Variants in GNPAT observed in about 807,000 individuals in gnomAD.
The protein encoded by GNPAT is glyceronephosphate O-acyltransferase.
GNPAT carries 30 observed loss-of-function variants against 78.4 expected under a neutral mutation model. That is an observed-to-expected ratio of 0.38 (90% CI 0.29 to 0.52). GNPAT has a LOEUF of 0.52. Among genes scored for constraint, GNPAT ranks in the 20% least tolerant of loss-of-function variants. The pLI is 0.84. For synonymous variants in GNPAT, 271 were observed against 281.1 expected, an observed-to-expected ratio of 0.96 and a Z score of 0.36; for missense variants, 714 against 812.2, an observed-to-expected ratio of 0.88 and a Z score of 1.47.
intron 8 of GNPAT, among the ~76,000 whole-genome samples, chr1:231,267,215 A>G (rs972670540): frequency 6.6e-6 from 1 of 152,162 alleles, no homozygotes; most frequent in Non-Finnish European, 1.5e-5. Flanking sequence ...GCCTTATTGT[A>G]CTATTCAAAG....
At chr1:231,272,252 G>A (rs934169001) in intron 10 of GNPAT, 60 bp from the exon 11 acceptor site, 1 of 844,336 alleles carries the variant, frequency 1.2e-6, no homozygotes, top group Non-Finnish European at 2.1e-6. Context: ...AGGACTTCCT[G>A]GTACTCCCTT....
chr1:231,254,000 A>G (rs1054935832), intron 2 of GNPAT, among the ~76,000 whole-genome samples: 15 of 152,268 alleles, frequency 9.9e-5, no homozygotes, highest in African/African-American at 3.6e-4. Context: ...TTTAGTAGAG[A>G]CAGGGTTTCA....
At chr1:231,256,206 G>T (rs546526786) in intron 2 of GNPAT, among the ~76,000 whole-genome samples, 8 of 152,208 alleles carry the variant, frequency 5.3e-5, no homozygotes, top group Non-Finnish European at 1.0e-4. Flanking sequence ...TGAGTTTCAT[G>T]TATCTGTTTT....
At chr1:231,258,654 CAG>C (rs1263440684) in intron 2 of GNPAT, among the ~76,000 whole-genome samples, 3 of 53,506 alleles carry the variant, frequency 5.6e-5, no homozygotes, top group African/African-American at 8.4e-5. Flanking sequence ...TTTTTTGAGA[CAG>C]AGTCTCGCTC....
chr1:231,251,000 G>C lies in GNPAT; in HGVS notation c.118G>C (p.Glu40Gln), dbSNP rs1418065853. 6.2e-7 allele frequency: 1 copy of C among 1,612,432 alleles called. No homozygotes were observed. Among genetic ancestry groups the C allele is most frequent in the Non-Finnish European group, 8.5e-7 (1 of 1,178,580 alleles). The change falls in exon 2 of 16, where the codon GAA (glutamate) becomes CAA (glutamine). Residue 40 changes from glutamate to glutamine, a missense_variant. Glu to Gln is a conservative substitution (Grantham distance 29). Transcript: ENST00000366647. ...KKWDEFEDIL[E>Q]ERRHVSDLKF... ...GTGGGATGAGTTTGAAGATATTTTA[G>C]AAGAGAGGAGGCATGTCAGTGACTT...
Position 231,245,142 on chromosome 1 carries a change from C to A in GNPAT, c.78+3686C>A, listed in dbSNP as rs896626080. On this transcript the variant is annotated intron_variant, in intron 1 of 15. Coordinates refer to ENST00000366647, the MANE Select transcript of GNPAT (RefSeq NM_014236.4). ...CTCAAATATCACTTCCTCAGAGAGG[C>A]CTTCCACAACCATTGAATCTAAAAC... Among the ~76,000 whole-genome samples, 56 of 152,328 alleles carry A rather than the reference C, an allele frequency of 3.7e-4. 1 individual carries two copies. The highest frequency in any genetic ancestry group is 1.3e-3 in the African/African-American group (53 of 41,580).
chr1:231,259,984 A>G (rs534961710), intron 2 of GNPAT, among the ~76,000 whole-genome samples: 1 of 152,372 alleles, frequency 6.6e-6, no homozygotes, highest in East Asian at 1.9e-4. Context: ...GGCCATGTGA[A>G]TAAAATAAGT....
intron 2 of GNPAT, among the ~76,000 whole-genome samples, chr1:231,253,442 G>A (rs550018165): frequency 6.6e-6 from 1 of 152,374 alleles, no homozygotes; most frequent in Admixed American, 6.5e-5. Flanking sequence ...CGCCTCTAAT[G>A]CTCTAAGGCT....
rs552693336 is a variant in GNPAT at position 231,275,287 on chromosome 1, G to A, written c.1810G>A (p.Val604Ile). ...HFSEEQYLAAVRKFTSQLLDQ... is the reference protein window; with the variant it reads ...HFSEEQYLAAIRKFTSQLLDQ... ...CAGTGAGGAACAGTACTTGGCTGCA[G>A]TCAGAAAATTCACAAGTCAGCTTCT... Residue 604 changes from valine to isoleucine, a missense_variant, in exon 13 of 16, where the codon GTC becomes ATC. Coordinates refer to ENST00000366647, the MANE Select transcript of GNPAT (RefSeq NM_014236.4). 3.2e-5 allele frequency: 52 copies of A among 1,613,198 alleles called. No individual in the cohort carries two copies. The South Asian group carries it at 5.7e-4, about 18-fold the overall frequency.
chr1:231,256,022 G>A (rs1371715275), intron 2 of GNPAT, among the ~76,000 whole-genome samples: 1 of 152,056 alleles, frequency 6.6e-6, no homozygotes, highest in Non-Finnish European at 1.5e-5. Flanking sequence ...TTAAATGATG[G>A]AATGCGTCAG....
At chr1:231,273,313 G>A (rs1419950012) in intron 11 of GNPAT, among the ~76,000 whole-genome samples, 4 of 148,112 alleles carry the variant, frequency 2.7e-5, no homozygotes, top group Admixed American at 6.8e-5. Context: ...GTGCAGTGGC[G>A]CAATCTCAGC....
In GNPAT at chr1:231,275,310, T is replaced by C; in HGVS notation, c.1833T>C (p.Leu611=). The C allele has an allele frequency of 6.2e-7, 1 of 1,610,824 alleles. No individual in the cohort carries two copies. The highest frequency in any genetic ancestry group is 8.5e-7 in the Non-Finnish European group (1 of 1,176,970). ...CAGTCAGAAAATTCACAAGTCAGCT[T>C]CTCGATCAAGGTCAGTCACTGCTCT... ...LAAVRKFTSQ[L]LDQGTSQCYD... The change falls in exon 13 of 16, where the codon CTT becomes CTC. Residue 611 remains leucine, a synonymous_variant. Transcript: ENST00000366647.
At chr1:231,242,812 A>G (rs1489590699) in intron 1 of GNPAT, among the ~76,000 whole-genome samples, 1 of 152,214 alleles carries the variant, frequency 6.6e-6, no homozygotes, top group Non-Finnish European at 1.5e-5. Context: ...ACTTGAGTCC[A>G]CTTTTTCATG....
chr1:231,275,921 G>A (rs2102828812), intron 14 of GNPAT, among the ~76,000 whole-genome samples: 1 of 152,298 alleles, frequency 6.6e-6, no homozygotes, highest in East Asian at 1.9e-4. Flanking sequence ...AAGCTTAATA[G>A]TAAACTCTGG....
At chr1:231,260,078 G>A (rs145734987) in intron 2 of GNPAT, among the ~76,000 whole-genome samples, 1 of 152,310 alleles carries the variant, frequency 6.6e-6, no homozygotes, top group East Asian at 1.9e-4. Flanking sequence ...ATCTGATGTA[G>A]TCTGAGTCGG....
Position 231,266,342 on chromosome 1 carries a change from T to C in GNPAT, c.990T>C (p.Asp330=). ...GAAGCATCCATGTGTACTTTGGAGA[T>C]CCTGTGTCACTTCGATCTTTGGCAG... is the stretch of plus-strand genomic sequence containing the variant. The part of the protein sequence containing the change: ...NFGSIHVYFG[D]PVSLRSLAAG... Residue 330 remains aspartate, a synonymous_variant, in exon 8 of 16, where the codon GAT becomes GAC. Transcript: ENST00000366647. 1.9e-6 allele frequency: 3 copies of C among 1,614,008 alleles called. No homozygotes were observed. Among genetic ancestry groups the C allele is most frequent in the Non-Finnish European group, 2.5e-6 (3 of 1,179,860 alleles).
intron 2 of GNPAT, among the ~76,000 whole-genome samples, chr1:231,257,064 G>A (rs1558329259): frequency 6.6e-6 from 1 of 152,168 alleles, no homozygotes; most frequent in Non-Finnish European, 1.5e-5. Flanking sequence ...TATCTGCTGG[G>A]CAAATGAAAA....
At chr1:231,251,422 A>C (rs1684894389) in intron 2 of GNPAT, among the ~76,000 whole-genome samples, 1 of 152,182 alleles carries the variant, frequency 6.6e-6, no homozygotes, top group African/African-American at 2.4e-5. Context: ...AGGGGCGCTA[A>C]TTAATTATAG....
At position 231,276,172 on chromosome 1, in the gene GNPAT, A is replaced by G. The variant is rs1452031202; in HGVS notation, c.1975A>G (p.Thr659Ala). 2 of 1,429,224 alleles carry G rather than the reference A, an allele frequency of 1.4e-6. No individual in the cohort carries two copies. 88.5% of individuals were successfully genotyped at this position (1,429,224 alleles called of 1,614,324 possible). The change falls in exon 15 of 16, where the codon ACA becomes GCA. Residue 659 changes from threonine (T) to alanine (A), a missense_variant. Physicochemically the swap from Thr to Ala is moderately conservative, Grantham distance 58. Coordinates refer to ENST00000366647, the MANE Select transcript of GNPAT (RefSeq NM_014236.4). ...NCIFNVNEPA[T>A]TKLEEMLGCK... Reference sequence around the variant, plus strand: ...TATATTTAATGTGAATGAACCTGCCACAACCAAATTAGAAGAAATGCTTGG... The same window carrying G: ...TATATTTAATGTGAATGAACCTGCCGCAACCAAATTAGAAGAAATGCTTGG...
Sources: allele counts gnomAD v4.1 joint callset (sites outside exome capture counted in the v4.1 genomes callset), GRCh38; gene constraint gnomAD v4.1.1; transcripts MANE v1.5; gene names NCBI Gene and HGNC (gene_info 2026-07-23, HGNC 2026-07-21).